ERCC6L2: variants seen among roughly 807,000 people sequenced by gnomAD.
The protein encoded by ERCC6L2 is DNA excision repair protein ERCC-6-like 2.
ERCC6L2 carries 77 observed loss-of-function variants against 132.0 expected under a neutral mutation model. That is an observed-to-expected ratio of 0.58 (90% CI 0.49 to 0.71). The LOEUF (loss-of-function observed/expected upper bound fraction) is 0.71, where lower values mean the gene tolerates loss of function less well. Among genes scored for constraint, ERCC6L2 ranks in the 30% least tolerant of loss-of-function variants. ERCC6L2 has a pLI of 0.00. For missense variants in ERCC6L2, 1,542 were observed against 1,837.6 expected (o/e 0.84, Z 2.94); for synonymous variants, 583 against 632.4 (o/e 0.92, Z 1.17).
At chr9:96,022,291 G>C (rs1027156964), downstream of ERCC6L2, among the ~76,000 whole-genome samples, 1 of 152,184 alleles carries the variant, frequency 6.6e-6, no homozygotes, top group South Asian at 2.1e-4. Context: ...ACCGCGGCGG[G>C]TGCAAGCCTC....
chr9:95,959,318 G>A (rs914292936), intron 13 of ERCC6L2, among the ~76,000 whole-genome samples: 2 of 151,808 alleles, frequency 1.3e-5, no homozygotes, highest in African/African-American at 4.8e-5. Context: ...GGGAAAACTG[G>A]CTAGCCATAT....
intron 13 of ERCC6L2, among the ~76,000 whole-genome samples, chr9:95,963,159 G>A (rs1409050701): frequency 6.6e-6 from 1 of 151,862 alleles, no homozygotes; most frequent in Admixed American, 6.6e-5. Flanking sequence ...GTGTGTGTGT[G>A]TGTGTGTGTG....
At chr9:95,967,939 A>G (rs1455992304) in intron 14 of ERCC6L2, 4 of 152,196 alleles carry the variant, frequency 2.6e-5, no homozygotes, top group African/African-American at 4.8e-5. Context: ...TAAAAATATT[A>G]GCATTTTATT....
chr9:96,010,724 C>G (rs923499291), intron 18 of ERCC6L2, among the ~76,000 whole-genome samples: 4 of 152,206 alleles, frequency 2.6e-5, no homozygotes, highest in Admixed American at 2.0e-4. Flanking sequence ...CCCATATTTA[C>G]CTCATGGTAA....
At chr9:96,009,858 G>A (rs915673676) in intron 18 of ERCC6L2, among the ~76,000 whole-genome samples, 11 of 152,224 alleles carry the variant, frequency 7.2e-5, no homozygotes. Context: ...TCCTCCCAGA[G>A]GTGACAGCTC....
In ERCC6L2 at chr9:96,012,632, T is replaced by C. The variant is rs1470064994; in HGVS notation, c.4082T>C (p.Val1361Ala). Reference protein sequence around the residue: ...FNDAETKKSPVSSTQEIDSGK... With the variant: ...FNDAETKKSPASSTQEIDSGK... Reference sequence around the variant, plus strand: ...GATGCAGAAACTAAGAAATCACCTGTTAGTTCTACTCAAGAGATTGACAGT... The same window carrying C: ...GATGCAGAAACTAAGAAATCACCTGCTAGTTCTACTCAAGAGATTGACAGT... The change falls in exon 19 of 19, where the codon GTT (valine) becomes GCT (alanine). Residue 1361 changes from valine to alanine, a missense_variant. Coordinates refer to ENST00000653738, the MANE Select transcript of ERCC6L2 (RefSeq NM_020207.7). 3 of 1,367,448 alleles carry C rather than the reference T, an allele frequency of 2.2e-6. No homozygotes were observed. In the African/African-American group the frequency reaches 4.4e-5, roughly 20 times the overall value. 84.7% of individuals were successfully genotyped at this position (1,367,448 alleles called of 1,614,324 possible).
At chr9:96,022,548 C>G (rs1278967851), downstream of ERCC6L2, among the ~76,000 whole-genome samples, 2 of 152,310 alleles carry the variant, frequency 1.3e-5, no homozygotes, top group East Asian at 1.9e-4. Flanking sequence ...GTCAGCCCCA[C>G]GCCGAGTTTA....
intron 12 of ERCC6L2, among the ~76,000 whole-genome samples, chr9:95,950,606 G>C (rs565419894): frequency 6.6e-6 from 1 of 152,020 alleles, no homozygotes; most frequent in Non-Finnish European, 1.5e-5. Flanking sequence ...ACTCACTTTA[G>C]GTCCAAGAAT....
intron 19 of ERCC6L2, among the ~76,000 whole-genome samples, chr9:96,034,253 C>A (rs77794392): frequency 0.018 from 2,711 of 152,300 alleles, 31 homozygotes; most frequent in Non-Finnish European, 0.024. Context: ...GCCACCAGCA[C>A]CTGTGCAGGC....
At chr9:95,932,630 T>G (rs1244640059) in intron 11 of ERCC6L2, among the ~76,000 whole-genome samples, 1 of 152,208 alleles carries the variant, frequency 6.6e-6, no homozygotes, top group Non-Finnish European at 1.5e-5. Context: ...TTTATATTTA[T>G]TTAGGTTTTC....
chr9:95,928,367 C>T (rs1830189755), intron 10 of ERCC6L2: 2 of 435,932 alleles, frequency 4.6e-6, no homozygotes, highest in Non-Finnish European at 8.0e-6. Context: ...TTTTTATTTT[C>T]TGTTGATGTT....
downstream of ERCC6L2, chr9:96,021,256 G>T: frequency 2.9e-6 from 1 of 346,762 alleles, no homozygotes; most frequent in South Asian, 2.1e-5. This position sits in a 1 kb window ranked among gnomAD's most constrained non-coding sequence, Gnocchi z 4.7. Context: ...CAAGCAACCC[G>T]TTCCTCCGAA....
chr9:95,921,157 T>C lies in ERCC6L2; in HGVS notation c.1159-18T>C, dbSNP rs1829851309. 6.3e-7 allele frequency: 1 copy of C among 1,589,380 alleles called. No homozygotes were observed. Among genetic ancestry groups the C allele is most frequent in the Non-Finnish European group, 8.6e-7 (1 of 1,165,374 alleles). The stretch of plus-strand genomic sequence containing the variant: ...ATAAACAAAATACTAATAACTACCT[T>C]GTATTTTATCTTGGCAGATGGTGTA... On this transcript the variant is annotated intron_variant, in intron 6 of 18. Transcript: ENST00000653738.
At chr9:95,889,175 CA>C (rs1828029383) in intron 2 of ERCC6L2, among the ~76,000 whole-genome samples, 1 of 152,102 alleles carries the variant, frequency 6.6e-6, no homozygotes, top group African/African-American at 2.4e-5. Flanking sequence ...GATTCTTAAA[CA>C]CAAGGAACAT....
At chr9:95,890,459 CAA>C (rs1564196954) in intron 2 of ERCC6L2, among the ~76,000 whole-genome samples, 1 of 152,104 alleles carries the variant, frequency 6.6e-6, no homozygotes, top group East Asian at 1.9e-4. Context: ...GGTCAGACAC[CAA>C]AGTCTTTGTG....
chr9:95,907,836 C>CACACACACACACACACACACACACACAA (rs1470473183), intron 4 of ERCC6L2, among the ~76,000 whole-genome samples: 1 of 81,128 alleles, frequency 1.2e-5, no homozygotes, highest in East Asian at 4.6e-4. Context: ...TACACACACA[C>CACACACACACACACACACACACACACAA]ACACACACAC....
chr9:95,884,428 T>G (rs1009021538), intron 2 of ERCC6L2, among the ~76,000 whole-genome samples: 1 of 152,154 alleles, frequency 6.6e-6, no homozygotes. Context: ...TAAAATTAAT[T>G]GATAATGAAA....
chr9:95,904,770 C>T (rs1023222564), intron 3 of ERCC6L2, among the ~76,000 whole-genome samples: 1 of 152,186 alleles, frequency 6.6e-6, no homozygotes, highest in South Asian at 2.1e-4. Context: ...CATCATTCTT[C>T]TATGCCGTGG....
chr9:96,040,155 C>G (rs970828772), intron 20 of ERCC6L2, among the ~76,000 whole-genome samples: 1 of 151,958 alleles, frequency 6.6e-6, no homozygotes, highest in Non-Finnish European at 1.5e-5. Flanking sequence ...CAGTCCTGCC[C>G]CCCCCCAAGC....
Sources: allele counts gnomAD v4.1 joint callset (sites outside exome capture counted in the v4.1 genomes callset), GRCh38; gene constraint gnomAD v4.1.1; non-coding constraint Gnocchi (gnomAD v3.1); transcripts MANE v1.5; gene names NCBI Gene and HGNC (gene_info 2026-07-23, HGNC 2026-07-21).